Variants in WDR91 observed in about 807,000 individuals in gnomAD.
WDR91 encodes WD repeat domain 91, also known as WD repeat-containing protein 91.
A neutral mutation model predicts 88.4 loss-of-function variants in WDR91; 52 were observed. That is an observed-to-expected ratio of 0.59 (90% CI 0.47 to 0.74). The LOEUF is 0.74. WDR91 is among the 30% of genes least tolerant of loss of function. WDR91 has a pLI of 0.00. For synonymous variants in WDR91, 362 were observed against 389.5 expected (o/e 0.93, Z 0.83); for missense variants, 824 against 954.5 (o/e 0.86, Z 1.80).
intron 2 of WDR91, 102 bp downstream of exon 2, chr7:135,209,474 T>G (rs935814248): frequency 2.5e-6 from 3 of 1,181,210 alleles, no homozygotes; most frequent in Non-Finnish European, 3.5e-6. Flanking sequence ...CTCTTTCCCA[T>G]AGTCACATAC....
rs369676175 is a variant in WDR91, at chr7:135,196,182, C to T, written c.1206G>A (p.Glu402=). The change falls in exon 8 of 15, where the codon GAG becomes GAA. Residue 402 remains glutamate, a synonymous_variant. Transcript: ENST00000354475. The surrounding 1 kb of genome is among the most constrained non-coding windows in gnomAD (Gnocchi z 4.2). ...PEQPFIVLGQ[E]EYGEHHSSIM... The stretch of plus-strand genomic sequence containing the variant: ...TGGATGAGTGGTGTTCCCCGTACTC[C>T]TCCTGTCCCAGCACAATAAAGGGCT... 65 of 1,596,428 alleles carry T rather than the reference C, an allele frequency of 4.1e-5. No homozygotes were observed. The highest frequency in any genetic ancestry group is 3.3e-5 in the Non-Finnish European group (39 of 1,170,562).
rs1267995899 is a variant in WDR91 at position 135,196,407 on chromosome 7, G to C, written c.1051-70C>G. 2.2e-6 allele frequency: 3 copies of C among 1,392,654 alleles called. 1 individual carries two copies. The South Asian group carries it at 4.6e-5, about 21-fold the overall frequency. The allele number at this position is 1,392,654 out of a possible 1,614,324, so 86.3% of individuals were successfully genotyped here. On this transcript the variant is annotated intron_variant, in intron 7 of 14. Coordinates refer to ENST00000354475, the MANE Select transcript of WDR91 (RefSeq NM_014149.4). The surrounding 1 kb of genome is among the most constrained non-coding windows in gnomAD (Gnocchi z 4.2). ...CCACACCAGGGTGTACACCGCAGGGGGTCTAGGCCTAGGCTGCAGCATTTT... is the reference window on the plus strand; with the variant it reads ...CCACACCAGGGTGTACACCGCAGGGCGTCTAGGCCTAGGCTGCAGCATTTT...
chr7:135,197,664 G>C, intron 7 of WDR91: 1 of 196,346 alleles, frequency 5.1e-6, no homozygotes. Context: ...GCCCACCACA[G>C]GCTGCTTAGC....
chr7:135,188,687 C>T (rs1044820506), intron 12 of WDR91, 142 bp from the exon 13 acceptor site: 71 of 679,778 alleles, frequency 1.0e-4, no homozygotes, highest in South Asian at 1.6e-4. Context: ...ACCCAATGAG[C>T]GCCATAAAGC....
At chr7:135,193,772 G>T (rs1831263947) in intron 9 of WDR91, 100 bp from the exon 10 acceptor site, 3 of 955,494 alleles carry the variant, frequency 3.1e-6, no homozygotes, top group African/African-American at 1.6e-5. Context: ...CTGTGGGGGT[G>T]AGGCCCCTCC....
chr7:135,197,933 C>G (rs1309651613), intron 7 of WDR91, 60 bp downstream of exon 7: 4 of 1,572,096 alleles, frequency 2.5e-6, no homozygotes, highest in Non-Finnish European at 2.6e-6. Context: ...AGAAGACCCC[C>G]CACAGTGTTC....
rs796470135 is a variant in WDR91 at position 135,187,952 on chromosome 7, C to G, written c.1881+481G>C. Among the ~76,000 whole-genome samples, 11 of 152,320 alleles carry G rather than the reference C, an allele frequency of 7.2e-5. No homozygotes were observed. The East Asian group carries it at 2.1e-3, about 29-fold the overall frequency. ...CCCATCTCTGCCCCTGCCAGCTCCC[C>G]CTCTGAGGCAGTCACTATTCCTAGT... On this transcript the variant is annotated intron_variant, in intron 13 of 14. Coordinates refer to ENST00000354475, the MANE Select transcript of WDR91 (RefSeq NM_014149.4).
chr7:135,186,957 C>T lies in WDR91; in HGVS notation c.2079+15G>A, dbSNP rs573583277. On this transcript the variant is annotated intron_variant, in intron 14 of 14. Transcript: ENST00000354475. ...ACCACAATACCACTACCTCCCACCC[C>T]CAACCATCAGTTACCTTGTAGATGA... is the stretch of plus-strand genomic sequence containing the variant. The T allele has an allele frequency of 1.0e-4, 165 of 1,613,046 alleles. No homozygotes were observed. Among genetic ancestry groups the T allele is most frequent in the Middle Eastern group, 5.9e-4 (3 of 5,110 alleles).
At position 135,186,008 on chromosome 7, in the gene WDR91, ACCT is replaced by A; in HGVS notation, c.*140_*142del. The A allele has an allele frequency of 2.1e-6, 2 of 957,742 alleles. No homozygotes were observed. 59.3% of individuals were successfully genotyped at this position (957,742 alleles called of 1,614,324 possible). On this transcript the variant is annotated 3_prime_UTR_variant, in exon 15 of 15. Coordinates refer to ENST00000354475, the MANE Select transcript of WDR91 (RefSeq NM_014149.4). ...CATTCCAGTCACCACAGATGGAAGCACCTGAGCCTCCTTGCCAGTCTTTCCCTG... is the reference window on the plus strand; with the variant it reads ...CATTCCAGTCACCACAGATGGAAGCAGAGCCTCCTTGCCAGTCTTTCCCTG...
Position 135,186,164 on chromosome 7 carries a change from G to T in WDR91, c.2231C>A (p.Ala744Asp). The T allele has an allele frequency of 6.2e-7, 1 of 1,604,252 alleles. No homozygotes were observed. The highest frequency in any genetic ancestry group is 8.5e-7 in the Non-Finnish European group (1 of 1,176,214). Residue 744 changes from alanine to aspartate, a missense_variant, in exon 15 of 15, where the codon GCC (alanine) becomes GAC (aspartate). By Grantham distance (126) the Ala-to-Asp change is moderately radical. Transcript: ENST00000354475. ...TGGGGCAAGTCATCAGGCTTTATGGGCCAGGAGGGTGGTCAGCTTGATCTT... is the reference window on the plus strand; with the variant it reads ...TGGGGCAAGTCATCAGGCTTTATGGTCCAGGAGGGTGGTCAGCTTGATCTT... ...DGKIKLTTLL[A>D]HKA
intron 11 of WDR91, among the ~76,000 whole-genome samples, chr7:135,192,473 G>GGAGGGATGGATGTGGC (rs932646434): frequency 5.9e-5 from 9 of 152,192 alleles, no homozygotes; most frequent in Non-Finnish European, 4.4e-5. Flanking sequence ...AATTATGAGG[G>GGAGGGATGGATGTGGC]GAGGGATGGA....
chr7:135,208,712 A>G, intron 3 of WDR91, 79 bp downstream of exon 3: 9 of 1,334,572 alleles, frequency 6.7e-6, no homozygotes, highest in Middle Eastern at 2.4e-4. Flanking sequence ...AAATGCCTGT[A>G]TGGAGACCAG....
rs367616006 is a variant in WDR91, at chr7:135,206,061, A to G, written c.595-3T>C. 36 of 1,614,154 alleles carry G rather than the reference A, an allele frequency of 2.2e-5. 1 individual carries two copies. Among genetic ancestry groups the G allele is most frequent in the Non-Finnish European group, 3.1e-5 (36 of 1,180,024 alleles). On this transcript the variant is annotated splice_region_variant and splice_polypyrimidine_tract_variant and intron_variant, in intron 4 of 14. Coordinates refer to ENST00000354475, the MANE Select transcript of WDR91 (RefSeq NM_014149.4). ...ATTTCAGCTTGCAATGCAAAAAGCTATACAGGGGTGGGACTGAGTTAGCCA... is the reference window on the plus strand; with the variant it reads ...ATTTCAGCTTGCAATGCAAAAAGCTGTACAGGGGTGGGACTGAGTTAGCCA...
chr7:135,207,201 T>A lies in WDR91; in HGVS notation c.513A>T (p.Pro171=). The change falls in exon 4 of 15, where the codon CCA becomes CCT. Residue 171 remains proline, a splice_region_variant and synonymous_variant. Coordinates refer to ENST00000354475, the MANE Select transcript of WDR91 (RefSeq NM_014149.4). The part of the protein sequence containing the change: ...NFLSVLFQCM[P]VPVILNFDAE... Reference sequence around the variant, plus strand: ...CATCAAAGTTCAGGATCACAGGGACTGGTGCACGAAGTTAAAGAATAAGCC... The same window carrying A: ...CATCAAAGTTCAGGATCACAGGGACAGGTGCACGAAGTTAAAGAATAAGCC... 6.2e-7 allele frequency: 1 copy of A among 1,604,318 alleles called. No individual in the cohort carries two copies. Among genetic ancestry groups the A allele is most frequent in the African/African-American group, 1.3e-5 (1 of 74,728 alleles).
chr7:135,209,927 C>T (rs1831951573), intron 1 of WDR91, 172 bp from the exon 2 acceptor site: 2 of 531,606 alleles, frequency 3.8e-6, no homozygotes, highest in Non-Finnish European at 6.3e-6. Context: ...CAGTAATTTT[C>T]TGATGTTAGA....
chr7:135,193,921 T>C, intron 9 of WDR91: 1 of 476,192 alleles, frequency 2.1e-6, no homozygotes, highest in Non-Finnish European at 3.8e-6. Context: ...ACGCGTCACC[T>C]TGGACACATA....
intron 6 of WDR91, among the ~76,000 whole-genome samples, chr7:135,203,451 T>C (rs1831644609): frequency 6.6e-6 from 1 of 152,220 alleles, no homozygotes; most frequent in Non-Finnish European, 1.5e-5. Flanking sequence ...CAATGAATTC[T>C]GACAATGTCT....
chr7:135,192,976 G>A (rs1326759262), intron 11 of WDR91, among the ~76,000 whole-genome samples: 1 of 152,180 alleles, frequency 6.6e-6, no homozygotes, highest in Non-Finnish European at 1.5e-5. Flanking sequence ...TCAGAGGGAG[G>A]CACGAGTCCT....
chr7:135,186,830 C>A (rs1830961331), intron 14 of WDR91, 142 bp downstream of exon 14: 10 of 991,336 alleles, frequency 1.0e-5, no homozygotes, highest in Non-Finnish European at 1.6e-5. Context: ...CACTAGCTAG[C>A]CAGCGATCCT....
Sources: allele counts gnomAD v4.1 joint callset (sites outside exome capture counted in the v4.1 genomes callset), GRCh38; gene constraint gnomAD v4.1.1; non-coding constraint Gnocchi (gnomAD v3.1); transcripts MANE v1.5; gene names NCBI Gene and HGNC (gene_info 2026-07-23, HGNC 2026-07-21).